PIK3C2G: variants seen among roughly 807,000 people sequenced by gnomAD.
PIK3C2G encodes phosphatidylinositol-4-phosphate 3-kinase catalytic subunit type 2 gamma.
PIK3C2G carries 168 observed loss-of-function variants against 181.1 expected under a neutral mutation model. The ratio of observed to expected loss-of-function variants is 0.93; its 90% CI spans 0.82 to 1.05. The LOEUF is 1.05. Among genes scored for constraint, PIK3C2G ranks in the 50% least tolerant of loss-of-function variants. The pLI is 0.00. For synonymous variants in PIK3C2G, 573 were observed against 592.2 expected (o/e 0.97, Z 0.47); for missense variants, 1,869 against 1,732.8 (o/e 1.08, Z -1.40).
intron 18 of PIK3C2G, among the ~76,000 whole-genome samples, chr12:18,487,140 G>A (rs936435800): frequency 2.1e-5 from 3 of 144,768 alleles, no homozygotes; most frequent in Non-Finnish European, 4.6e-5. Context: ...GTGTGTAAAT[G>A]CTTTCCAGAA....
At chr12:18,696,468 A>G in the PIK3C2G span, among the ~76,000 whole-genome samples, 2 of 150,958 alleles carry the variant, frequency 1.3e-5, no homozygotes, top group African/African-American at 4.9e-5. Context: ...ATTCACTATT[A>G]TTTAGATGTT....
chr12:18,258,079 C>T (rs1029254651), upstream of PIK3C2G, among the ~76,000 whole-genome samples: 14 of 152,176 alleles, frequency 9.2e-5, no homozygotes, highest in African/African-American at 3.4e-4. Context: ...ACCTCTGCTC[C>T]TGCTGAACAA....
At chr12:18,362,045 C>A (rs1941277698) in intron 11 of PIK3C2G, among the ~76,000 whole-genome samples, 1 of 151,946 alleles carries the variant, frequency 6.6e-6, no homozygotes, top group South Asian at 2.1e-4. Context: ...CCAAGACAGA[C>A]AAGACAGAAA....
chr12:18,567,089 T>G, intron 29 of PIK3C2G, 32 bp downstream of exon 29: 8 of 972,568 alleles, frequency 8.2e-6, no homozygotes, highest in Non-Finnish European at 1.3e-5. Flanking sequence ...TATTTTTACA[T>G]AAAACATCAA....
At chr12:18,328,775 G>A (rs897269938) in intron 8 of PIK3C2G, among the ~76,000 whole-genome samples, 4 of 151,904 alleles carry the variant, frequency 2.6e-5, no homozygotes, top group Admixed American at 1.3e-4. Context: ...GTGAGTACCC[G>A]TGTTACTTTA....
At chr12:18,420,691 G>A (rs1041439708) in intron 16 of PIK3C2G, among the ~76,000 whole-genome samples, 65 of 152,168 alleles carry the variant, frequency 4.3e-4, no homozygotes, top group African/African-American at 1.4e-3. Flanking sequence ...AGATAAGAAA[G>A]CCGGCAGGAA....
intron 24 of PIK3C2G, among the ~76,000 whole-genome samples, chr12:18,519,612 T>G (rs892604824): frequency 6.6e-6 from 1 of 152,112 alleles, no homozygotes. Context: ...ATATGTGTCT[T>G]TGTATGTGAG....
the PIK3C2G span, chr12:18,714,735 T>C: frequency 6.6e-6 from 1 of 152,330 alleles, no homozygotes; most frequent in African/African-American, 2.4e-5. Context: ...GGAGACATTT[T>C]CGGCTGCCAC....
At chr12:18,485,961 T>C (rs572350406) in intron 18 of PIK3C2G, among the ~76,000 whole-genome samples, 1 of 152,324 alleles carries the variant, frequency 6.6e-6, no homozygotes, top group African/African-American at 2.4e-5. Flanking sequence ...AGAAGGTCAC[T>C]GACACAGAAC....
intron 5 of PIK3C2G, among the ~76,000 whole-genome samples, chr12:18,309,171 G>C (rs1950541181): frequency 6.6e-6 from 1 of 151,670 alleles, no homozygotes. Flanking sequence ...AGGCTATTTA[G>C]AGTCCATTGG....
chr12:18,659,780 C>T, the PIK3C2G span, among the ~76,000 whole-genome samples: 54 of 150,712 alleles, frequency 3.6e-4, no homozygotes, highest in Admixed American at 1.5e-3. Context: ...CCCGTTAACT[C>T]GTTATTTAGC....
At chr12:18,378,274 T>A (rs1942591559) in intron 13 of PIK3C2G, among the ~76,000 whole-genome samples, 1 of 151,940 alleles carries the variant, frequency 6.6e-6, no homozygotes, top group Non-Finnish European at 1.5e-5. Flanking sequence ...TAGGTGTGAA[T>A]AAATAATGCA....
At chr12:18,476,724 C>T (rs1939037133) in intron 18 of PIK3C2G, among the ~76,000 whole-genome samples, 1 of 152,016 alleles carries the variant, frequency 6.6e-6, no homozygotes, top group African/African-American at 2.4e-5. Flanking sequence ...TGATGGAAGT[C>T]TAGCCATCCT....
chr12:18,497,656 A>T lies in PIK3C2G; in HGVS notation c.2924A>T (p.Gln975Leu). 6.2e-7 allele frequency: 1 copy of T among 1,612,890 alleles called. No individual in the cohort carries two copies. Among genetic ancestry groups the T allele is most frequent in the Non-Finnish European group, 8.5e-7 (1 of 1,179,028 alleles). The change falls in exon 22 of 33, where the codon CAG becomes CTG. Residue 975 changes from glutamine to leucine, a missense_variant. Gln to Leu is a moderately radical substitution (Grantham distance 113). Coordinates refer to ENST00000538779, the MANE Select transcript of PIK3C2G (RefSeq NM_001288772.2). ...CTTCGTCAGGATATGCTTGTTCTGCAGCTTATTCAAGTGATGGACAATATT... is the reference window on the plus strand; with the variant it reads ...CTTCGTCAGGATATGCTTGTTCTGCTGCTTATTCAAGTGATGGACAATATT... ...DDLRQDMLVLQLIQVMDNIWL... is the reference protein window; with the variant it reads ...DDLRQDMLVLLLIQVMDNIWL...
At chr12:18,338,395 G>C (rs756613926) in intron 8 of PIK3C2G, 31 bp from the exon 9 acceptor site, 1 of 1,472,878 alleles carries the variant, frequency 6.8e-7, no homozygotes, top group East Asian at 2.3e-5. Flanking sequence ...TATTTCAATA[G>C]ATTGTAAGAT....
At chr12:18,401,469 A>T (rs558153655) in intron 16 of PIK3C2G, among the ~76,000 whole-genome samples, 5 of 152,264 alleles carry the variant, frequency 3.3e-5, no homozygotes, top group African/African-American at 1.2e-4. Context: ...TAAAATTGTT[A>T]TGCTAAATTC....
chr12:18,639,744 T>C (rs1193748342), intron 31 of PIK3C2G, among the ~76,000 whole-genome samples: 2 of 152,030 alleles, frequency 1.3e-5, no homozygotes, highest in Non-Finnish European at 2.9e-5. Context: ...AGGAGAGAGT[T>C]TAAGGAAGAA....
chr12:18,479,512 C>G lies in PIK3C2G; in HGVS notation c.2505-8937C>G, dbSNP rs569779744. ...TGTGAGAAGGAAGAAATCATATGAC[C>G]TGGAGCTGAGGTAAGGATTGCCTAA... On this transcript the variant is annotated intron_variant, in intron 18 of 32. Coordinates refer to ENST00000538779, the MANE Select transcript of PIK3C2G (RefSeq NM_001288772.2). Among the ~76,000 whole-genome samples the G allele has an allele frequency of 5.3e-5, 8 of 152,242 alleles. No individual in the cohort carries two copies. The South Asian group carries it at 1.7e-3, about 32-fold the overall frequency.
the PIK3C2G span, chr12:18,723,243 A>G: frequency 2.2e-6 from 3 of 1,383,154 alleles, no homozygotes; most frequent in Middle Eastern, 6.6e-4. Flanking sequence ...GCTTTGAAAT[A>G]ATTTTTGAAA....
Sources: allele counts gnomAD v4.1 joint callset (sites outside exome capture counted in the v4.1 genomes callset), GRCh38; gene constraint gnomAD v4.1.1; transcripts MANE v1.5; gene names NCBI Gene and HGNC (gene_info 2026-07-23, HGNC 2026-07-21).